TRAK2: variants seen among roughly 807,000 people sequenced by gnomAD.
TRAK2 encodes the protein trafficking kinesin protein 2.
In TRAK2, 81 loss-of-function variants were observed where a neutral mutation model predicts 104.6. The observed-to-expected ratio is 0.77, with a 90% confidence interval of 0.65 to 0.93. The LOEUF (loss-of-function observed/expected upper bound fraction) is 0.93, where lower values mean the gene tolerates loss of function less well. TRAK2 is among the 40% of genes least tolerant of loss of function. The pLI is 0.00. For missense variants in TRAK2, 1,002 were observed against 1,089.0 expected (o/e 0.92, Z 1.12); for synonymous variants, 406 against 394.4 (o/e 1.03, Z -0.35).
chr2:201,414,580 C>T (rs567095389), intron 2 of TRAK2, among the ~76,000 whole-genome samples: 8 of 152,282 alleles, frequency 5.3e-5, no homozygotes, highest in African/African-American at 1.9e-4. Context: ...GAAGCAGTGG[C>T]TTGATCACCA....
intron 2 of TRAK2, chr2:201,411,917 A>G: frequency 9.6e-7 from 1 of 1,043,432 alleles, no homozygotes; most frequent in South Asian, 1.3e-5. Context: ...AATGATGTTT[A>G]GACAGAGCTC....
chr2:201,385,790 T>C (rs1377767976), intron 14 of TRAK2, among the ~76,000 whole-genome samples: 5 of 152,248 alleles, frequency 3.3e-5, no homozygotes, highest in Admixed American at 3.3e-4. Flanking sequence ...TTTCTCACTA[T>C]GTAAAAAAAT....
At chr2:201,435,667 T>C (rs1162749854) in intron 1 of TRAK2, among the ~76,000 whole-genome samples, 1 of 152,218 alleles carries the variant, frequency 6.6e-6, no homozygotes, top group African/African-American at 2.4e-5. Flanking sequence ...TTTTATTATC[T>C]TAACAGCTGA....
At chr2:201,404,296 T>G (rs1951574707) in intron 3 of TRAK2, among the ~76,000 whole-genome samples, 1 of 152,220 alleles carries the variant, frequency 6.6e-6, no homozygotes, top group African/African-American at 2.4e-5. Context: ...GAAAATATGT[T>G]AAATGATACA....
At chr2:201,426,817 A>G (rs1951792681) in intron 1 of TRAK2, among the ~76,000 whole-genome samples, 1 of 152,158 alleles carries the variant, frequency 6.6e-6, no homozygotes, top group Non-Finnish European at 1.5e-5. Context: ...GACTTTTTAG[A>G]TCTAAATAAG....
In TRAK2 at chr2:201,380,930, G is replaced by A; in HGVS notation, c.2358C>T (p.Cys786=). 2 of 1,614,168 alleles carry A rather than the reference G, an allele frequency of 1.2e-6. No homozygotes were observed. Among genetic ancestry groups the A allele is most frequent in the Non-Finnish European group, 1.7e-6 (2 of 1,180,012 alleles). The change falls in exon 16 of 16, where the codon TGC becomes TGT. Residue 786 remains cysteine (C), a synonymous_variant. Transcript: ENST00000332624. ...GAGGCTCAAAGGGTAAAGGAGAAGG[G>A]CAAGGTGAGTGAGATGGTGAATTTG... ...TPPNSPSHSP[C]PSPLPFEPRV... is the part of the protein sequence containing the mutation.
intron 2 of TRAK2, among the ~76,000 whole-genome samples, chr2:201,417,973 G>A (rs994613017): frequency 6.6e-6 from 1 of 151,862 alleles, no homozygotes; most frequent in African/African-American, 2.4e-5. Context: ...AAATACTTAA[G>A]ACTAAATTTA....
At chr2:201,444,371 G>A (rs1048744865) in intron 1 of TRAK2, among the ~76,000 whole-genome samples, 18 of 151,546 alleles carry the variant, frequency 1.2e-4, no homozygotes, top group Non-Finnish European at 2.4e-4. Context: ...TCTCCTCCTT[G>A]CTCATACTCA....
In TRAK2 at chr2:201,389,376, G is replaced by A. The variant is rs368306993; in HGVS notation, c.1321C>T (p.Pro441Ser). ...GTTTGCTGAAGACCAGACTCAAAAG[G>A]TTTTGCTGTCATGATGACACTTGAA... ...NRSSVIMTAK[P>S]FESGLQQTED... The change falls in exon 12 of 16, where the codon CCT becomes TCT. Residue 441 changes from proline to serine, a missense_variant. Physicochemically the swap from Pro to Ser is moderately conservative, Grantham distance 74. Coordinates refer to ENST00000332624, the MANE Select transcript of TRAK2 (RefSeq NM_015049.3). 3 of 1,614,140 alleles carry A rather than the reference G, an allele frequency of 1.9e-6. No homozygotes were observed. The highest frequency in any genetic ancestry group is 1.7e-6 in the Non-Finnish European group (2 of 1,180,018).
rs956294672 is a variant in TRAK2, at chr2:201,438,697, T to C, written c.-200+12653A>G. Among the ~76,000 whole-genome samples the C allele has an allele frequency of 7.2e-5, 11 of 152,270 alleles. No homozygotes were observed. The East Asian group carries it at 1.7e-3, about 24-fold the overall frequency. ...CTCTACTCCACTTTTTAAAAACACATAGTGGTTACTGAATATAGAAGAAGA... is the reference window on the plus strand; with the variant it reads ...CTCTACTCCACTTTTTAAAAACACACAGTGGTTACTGAATATAGAAGAAGA... On this transcript the variant is annotated intron_variant, in intron 1 of 15. Coordinates refer to ENST00000332624, the MANE Select transcript of TRAK2 (RefSeq NM_015049.3).
In TRAK2 at chr2:201,389,455, T is replaced by C. The variant is rs1951424108; in HGVS notation, c.1242A>G (p.Thr414=). 1 of 1,614,104 alleles carries C rather than the reference T, an allele frequency of 6.2e-7. No homozygotes were observed. Residue 414 remains threonine, a synonymous_variant, in exon 12 of 16, where the codon ACA becomes ACG. Transcript: ENST00000332624. ...VFDTVRIAND[T]RGRSISFPAL... ...CTGGGAATGAGATAGAGCGGCCCCG[T>C]GTGTCATTGGCAATCCTGACGGTAT...
intron 3 of TRAK2, among the ~76,000 whole-genome samples, chr2:201,401,627 C>CT (rs2125647176): frequency 6.6e-6 from 1 of 152,124 alleles, no homozygotes; most frequent in South Asian, 2.1e-4. Context: ...ACCATAATTC[C>CT]TTTAGGCTTA....
Position 201,423,475 on chromosome 2 carries a change from G to C in TRAK2, c.-199-2769C>G, listed in dbSNP as rs1314252105. 1.3e-5 allele frequency: 2 copies of C among 152,102 alleles called. 1 individual carries two copies. The highest frequency in any genetic ancestry group is 4.1e-4 in the South Asian group (2 of 4,822). The allele number at this position is 152,102 out of a possible 1,614,324, so 9.4% of individuals were successfully genotyped here. On this transcript the variant is annotated intron_variant, in intron 1 of 15. Coordinates refer to ENST00000332624, the MANE Select transcript of TRAK2 (RefSeq NM_015049.3). ...AGGGAGTGATTGCTTAATGCGTATGGGGATTCCTTTTAGGATGATGAAAAT... is the reference window on the plus strand; with the variant it reads ...AGGGAGTGATTGCTTAATGCGTATGCGGATTCCTTTTAGGATGATGAAAAT...
intron 9 of TRAK2, among the ~76,000 whole-genome samples, chr2:201,394,058 T>C (rs1345459330): frequency 1.3e-5 from 2 of 152,158 alleles, no homozygotes; most frequent in Admixed American, 1.3e-4. Context: ...CTCCAGGTGA[T>C]ACTAATGCAT....
At chr2:201,444,646 T>C (rs2125664114) in intron 1 of TRAK2, among the ~76,000 whole-genome samples, 1 of 151,442 alleles carries the variant, frequency 6.6e-6, no homozygotes, top group East Asian at 2.0e-4. Flanking sequence ...TGTAATAATA[T>C]ATTTGTAATA....
rs1315545116 is a variant in TRAK2, at chr2:201,380,846, C to A, written c.2442G>T (p.Glu814Asp). Residue 814 changes from glutamate (E) to aspartate (D), a missense_variant, in exon 16 of 16, where the codon GAG becomes GAT. By Grantham distance (45) the Glu-to-Asp change is conservative. Coordinates refer to ENST00000332624, the MANE Select transcript of TRAK2 (RefSeq NM_015049.3). ...ASRPAETFLQ[E>D]MYGLRPSRNP... The stretch of plus-strand genomic sequence containing the variant: ...TCCGGGAGGGTCTCAAGCCATACAT[C>A]TCCTGGAGGAATGTCTCAGCTGGTC... 6.2e-7 allele frequency: 1 copy of A among 1,614,072 alleles called. No homozygotes were observed. Among genetic ancestry groups the A allele is most frequent in the South Asian group, 1.1e-5 (1 of 91,072 alleles).
intron 1 of TRAK2, among the ~76,000 whole-genome samples, chr2:201,424,862 C>G (rs1559450837): frequency 6.6e-6 from 1 of 152,008 alleles, no homozygotes; most frequent in South Asian, 2.1e-4. Context: ...CCGCCTCGGC[C>G]TCCCAAAGTG....
chr2:201,411,460 T>A, intron 2 of TRAK2: 1 of 743,950 alleles, frequency 1.3e-6, no homozygotes, highest in South Asian at 1.3e-5. Context: ...TGATTTCCTA[T>A]GTCCAAAGAT....
chr2:201,394,934 C>A, intron 8 of TRAK2, 62 bp from the exon 9 acceptor site: 1 of 1,362,876 alleles, frequency 7.3e-7, no homozygotes, highest in Non-Finnish European at 1.0e-6. Flanking sequence ...TATTCTCTTT[C>A]TTATAAAGAC....
Sources: allele counts gnomAD v4.1 joint callset (sites outside exome capture counted in the v4.1 genomes callset), GRCh38; gene constraint gnomAD v4.1.1; transcripts MANE v1.5; gene names NCBI Gene and HGNC (gene_info 2026-07-23, HGNC 2026-07-21).